TRPA1: variants seen among roughly 807,000 people sequenced by gnomAD.
The protein encoded by TRPA1 is ankyrin-like with transmembrane domains 1.
Under a neutral mutation model 131.3 loss-of-function variants are expected in TRPA1, and 129 were observed. The observed-to-expected ratio is 0.98, with a 90% confidence interval of 0.85 to 1.14. The LOEUF (loss-of-function observed/expected upper bound fraction) is 1.14, where lower values mean the gene tolerates loss of function less well. Among genes scored for constraint, TRPA1 ranks in the 50% most tolerant of loss-of-function variants. The pLI is 0.00. For missense variants in TRPA1, 1,304 were observed against 1,354.2 expected (o/e 0.96, Z 0.58); for synonymous variants, 441 against 451.7 (o/e 0.98, Z 0.30).
chr8:72,089,455 T>C, the TRPA1 span, among the ~76,000 whole-genome samples: 1 of 152,276 alleles, frequency 6.6e-6, no homozygotes, highest in South Asian at 2.1e-4. Context: ...TTTTATTATA[T>C]GTGGAAGCTT....
intron 24 of TRPA1, among the ~76,000 whole-genome samples, chr8:72,028,640 A>G (rs1386895150): frequency 2.6e-5 from 4 of 152,310 alleles, no homozygotes; most frequent in South Asian, 2.1e-4. Context: ...AGAATTTATG[A>G]ATGGTTCTCA....
intron 22 of TRPA1, 85 bp downstream of exon 22, chr8:72,034,163 T>C: frequency 1.5e-6 from 2 of 1,337,738 alleles, no homozygotes; most frequent in Non-Finnish European, 2.1e-6. Context: ...TAATTATGCA[T>C]TTTCTAGACT....
At chr8:72,031,040 G>A (rs1256223019) in intron 23 of TRPA1, among the ~76,000 whole-genome samples, 1 of 152,182 alleles carries the variant, frequency 6.6e-6, no homozygotes, top group Non-Finnish European at 1.5e-5. Context: ...TATGAGACAA[G>A]GGATCTGTCA....
chr8:72,032,766 C>T (rs977444958), intron 23 of TRPA1, among the ~76,000 whole-genome samples: 1 of 152,198 alleles, frequency 6.6e-6, no homozygotes, highest in African/African-American at 2.4e-5. Context: ...CAAAATAAAA[C>T]TCTGGAGATG....
At chr8:72,039,404 T>C (rs1812170282) in intron 18 of TRPA1, among the ~76,000 whole-genome samples, 1 of 152,048 alleles carries the variant, frequency 6.6e-6, no homozygotes, top group Non-Finnish European at 1.5e-5. Flanking sequence ...ATGTTAAAGA[T>C]AAATTTTAGG....
Position 72,075,526 on chromosome 8 carries a change from G to T in TRPA1, c.-117C>A, listed in dbSNP as rs1006909685. 4.8e-6 allele frequency: 4 copies of T among 839,320 alleles called. No individual in the cohort carries two copies. The highest frequency in any genetic ancestry group is 4.9e-5 in the East Asian group (2 of 40,678). 52.0% of individuals were successfully genotyped at this position (839,320 alleles called of 1,614,324 possible). On this transcript the variant is annotated 5_prime_UTR_variant, in exon 1 of 27. Transcript: ENST00000262209. ...GGTCCGCGCGAGCCCGAGCTCTCCC[G>T]CGCTGCAGCTCACAGGCAGCGAAAA... is the stretch of plus-strand genomic sequence containing the variant.
intron 3 of TRPA1, among the ~76,000 whole-genome samples, 171 bp from the exon 4 acceptor site, chr8:72,065,729 AATTT>A (rs1419628000): frequency 6.6e-6 from 1 of 152,196 alleles, no homozygotes; most frequent in East Asian, 1.9e-4. Flanking sequence ...GGTACTAACT[AATTT>A]CCCCATTAGA....
At chr8:72,030,693 T>C (rs2129433048) in intron 23 of TRPA1, among the ~76,000 whole-genome samples, 1 of 152,332 alleles carries the variant, frequency 6.6e-6, no homozygotes, top group South Asian at 2.1e-4. Flanking sequence ...TCCAGGAGTT[T>C]AGTAACTAAG....
intron 17 of TRPA1, among the ~76,000 whole-genome samples, chr8:72,045,728 C>A: frequency 6.6e-6 from 1 of 151,874 alleles, no homozygotes; most frequent in East Asian, 1.9e-4. Flanking sequence ...GTCCTTTTAA[C>A]CAGAAGCCTA....
chr8:72,038,527 A>G (rs1812138930), intron 19 of TRPA1, among the ~76,000 whole-genome samples: 1 of 152,046 alleles, frequency 6.6e-6, no homozygotes, highest in Non-Finnish European at 1.5e-5. Flanking sequence ...ATATCCATAA[A>G]GCATCTCTCC....
At chr8:72,087,071 C>T in the TRPA1 span, among the ~76,000 whole-genome samples, 92 of 152,102 alleles carry the variant, frequency 6.0e-4, no homozygotes, top group Non-Finnish European at 1.1e-3. Context: ...TGAAGGCTCA[C>T]CTCTTTATCT....
At chr8:72,035,948 G>C (rs1812026800) in intron 21 of TRPA1, among the ~76,000 whole-genome samples, 1 of 131,476 alleles carries the variant, frequency 7.6e-6, no homozygotes, top group Non-Finnish European at 1.5e-5. Context: ...GTGGGTAGAA[G>C]CCAGGAGCCA....
intron 3 of TRPA1, among the ~76,000 whole-genome samples, chr8:72,066,382 A>T (rs1195060893): frequency 2.0e-5 from 3 of 152,226 alleles, no homozygotes; most frequent in African/African-American, 7.2e-5. Context: ...TTCCTCCTGC[A>T]GAAAGACTAT....
chr8:72,087,378 T>C, the TRPA1 span, among the ~76,000 whole-genome samples: 1 of 152,160 alleles, frequency 6.6e-6, no homozygotes, highest in African/African-American at 2.4e-5. Flanking sequence ...GAAACTGAAG[T>C]ATGCCGTTGG....
intron 13 of TRPA1, chr8:72,053,007 AAGAGAGAGAGAGAGAGAGAGAG>A (rs57169742): frequency 4.4e-6 from 1 of 228,336 alleles, no homozygotes; most frequent in Non-Finnish European, 8.4e-6. Context: ...GAGATAGAGA[AAGAGAGAGAGAGAGAGAGAGAG>A]AGAGAGAGAG....
Position 72,038,974 on chromosome 8 carries a change from C to G in TRPA1, c.2186G>C (p.Gly729Ala). The G allele has an allele frequency of 6.2e-7, 1 of 1,612,878 alleles. No individual in the cohort carries two copies. The highest frequency in any genetic ancestry group is 8.5e-7 in the Non-Finnish European group (1 of 1,179,370). Reference protein sequence around the residue: ...HMMNLGSYCLGLIPMTILVVN... With the variant: ...HMMNLGSYCLALIPMTILVVN... ...AACGAGAATGGTCATAGGTATGAGA[C>G]CAAGACAGTAAGATCCTAAATTCAT... The change falls in exon 19 of 27, where the codon GGT becomes GCT. Residue 729 changes from glycine (G) to alanine (A), a missense_variant. Gly to Ala is a moderately conservative substitution (Grantham distance 60). Transcript: ENST00000262209.
the TRPA1 span, among the ~76,000 whole-genome samples, chr8:72,084,190 G>C: frequency 6.6e-6 from 1 of 151,984 alleles, no homozygotes; most frequent in South Asian, 2.1e-4. Flanking sequence ...TGTATTTTAG[G>C]GCTCAGCATT....
intron 23 of TRPA1, among the ~76,000 whole-genome samples, chr8:72,032,587 C>A (rs1198734353): frequency 6.6e-6 from 1 of 152,182 alleles, no homozygotes; most frequent in Non-Finnish European, 1.5e-5. Context: ...AGATGCACAG[C>A]GGGCGCTGGA....
chr8:72,038,398 C>A (rs1205460993), intron 19 of TRPA1, among the ~76,000 whole-genome samples: 3 of 152,038 alleles, frequency 2.0e-5, no homozygotes, highest in African/African-American at 7.2e-5. Flanking sequence ...TTAAAAGTTA[C>A]ATTTTACATG....
Sources: allele counts gnomAD v4.1 joint callset (sites outside exome capture counted in the v4.1 genomes callset), GRCh38; gene constraint gnomAD v4.1.1; transcripts MANE v1.5; gene names NCBI Gene and HGNC (gene_info 2026-07-23, HGNC 2026-07-21).